Variants in TMEM117 observed in about 807,000 individuals in gnomAD.
The protein encoded by TMEM117 is transmembrane protein 117.
TMEM117 carries 27 observed loss-of-function variants against 52.4 expected under a neutral mutation model. The ratio of observed to expected loss-of-function variants is 0.51; its 90% CI spans 0.38 to 0.71. TMEM117 has a LOEUF of 0.71. Ranked by LOEUF, TMEM117 falls within the 30% of genes least tolerant of loss-of-function variation. The probability of loss-of-function intolerance (pLI) is 0.00; values close to 1 mark genes in which losing one functional copy is unlikely to be tolerated. For missense variants in TMEM117, 556 were observed against 630.5 expected, an observed-to-expected ratio of 0.88 and a Z score of 1.26; for synonymous variants, 215 against 206.3, an observed-to-expected ratio of 1.04 and a Z score of -0.36.
the TMEM117 span, chr12:43,797,127 T>G: frequency 6.4e-7 from 1 of 1,558,132 alleles, no homozygotes; most frequent in Non-Finnish European, 8.7e-7. Context: ...CAAATATAAT[T>G]AGCATATCAA....
chr12:43,970,217 T>G (rs1227308868), intron 3 of TMEM117, among the ~76,000 whole-genome samples: 1 of 152,178 alleles, frequency 6.6e-6, no homozygotes, highest in African/African-American at 2.4e-5. Context: ...TTTTACTTCA[T>G]AATGACCTCA....
intron 5 of TMEM117, among the ~76,000 whole-genome samples, chr12:44,220,200 G>T (rs546941509): frequency 6.6e-6 from 1 of 152,144 alleles, no homozygotes; most frequent in Non-Finnish European, 1.5e-5. Context: ...AGTTGGTAGA[G>T]TTATTTCTCA....
chr12:44,252,525 C>CA (rs1950208104), intron 5 of TMEM117, among the ~76,000 whole-genome samples: 1 of 151,918 alleles, frequency 6.6e-6, no homozygotes, highest in African/African-American at 2.4e-5. Flanking sequence ...AACAAACAAA[C>CA]AAAAAACAAA....
At chr12:44,232,816 T>G (rs1254109568) in intron 5 of TMEM117, among the ~76,000 whole-genome samples, 1 of 151,416 alleles carries the variant, frequency 6.6e-6, no homozygotes, top group Non-Finnish European at 1.5e-5. Flanking sequence ...ATTTGTGTCT[T>G]CTTTACTGTT....
At chr12:43,933,391 C>T (rs1195914531) in intron 2 of TMEM117, among the ~76,000 whole-genome samples, 5 of 151,516 alleles carry the variant, frequency 3.3e-5, no homozygotes, top group Admixed American at 2.0e-4. Context: ...TTAGTAGAGA[C>T]AGGGTTTCAC....
chr12:44,155,007 A>G (rs1177006948), intron 4 of TMEM117, among the ~76,000 whole-genome samples: 3 of 152,100 alleles, frequency 2.0e-5, no homozygotes, highest in African/African-American at 7.2e-5. Flanking sequence ...CAAATAAATG[A>G]GGAATAGTCC....
At chr12:43,860,812 A>G (rs562879584) in intron 2 of TMEM117, among the ~76,000 whole-genome samples, 3 of 152,366 alleles carry the variant, frequency 2.0e-5, no homozygotes, top group South Asian at 2.1e-4. Flanking sequence ...ACCAATAAAC[A>G]TATAAATCCG....
chr12:44,228,577 A>T (rs1949893254), intron 5 of TMEM117, among the ~76,000 whole-genome samples: 2 of 152,180 alleles, frequency 1.3e-5, no homozygotes, highest in African/African-American at 4.8e-5. Context: ...CAATGTGGTG[A>T]TCTGAAGAGA....
At chr12:44,094,236 G>A (rs67713366) in intron 3 of TMEM117, among the ~76,000 whole-genome samples, 40,805 of 152,076 alleles carry the variant, frequency 0.27, 9,885 homozygotes, top group African/African-American at 0.65. Flanking sequence ...ACAGAATATA[G>A]ATCATAGTAA....
At chr12:43,887,667 G>T (rs1944020904) in intron 2 of TMEM117, among the ~76,000 whole-genome samples, 1 of 152,108 alleles carries the variant, frequency 6.6e-6, no homozygotes, top group East Asian at 1.9e-4. Flanking sequence ...GCCAAGGCCT[G>T]GATGGAAAAA....
chr12:43,976,570 T>C (rs1347207859), intron 3 of TMEM117, among the ~76,000 whole-genome samples: 1 of 152,184 alleles, frequency 6.6e-6, no homozygotes, highest in African/African-American at 2.4e-5. Flanking sequence ...CAAATTTATC[T>C]AGATCGATTT....
At chr12:44,236,317 C>T (rs186551057) in intron 5 of TMEM117, among the ~76,000 whole-genome samples, 1 of 152,144 alleles carries the variant, frequency 6.6e-6, no homozygotes, top group Non-Finnish European at 1.5e-5. Flanking sequence ...GATTTCTCCC[C>T]TCTTAACATT....
At chr12:43,930,693 C>T (rs1944857592) in intron 2 of TMEM117, among the ~76,000 whole-genome samples, 2 of 152,212 alleles carry the variant, frequency 1.3e-5, no homozygotes, top group Non-Finnish European at 2.9e-5. Context: ...CAGTTTGAGG[C>T]ACTGTCTTAT....
At chr12:44,152,500 A>T (rs866686984) in intron 4 of TMEM117, among the ~76,000 whole-genome samples, 2 of 111,026 alleles carry the variant, frequency 1.8e-5, no homozygotes, top group African/African-American at 7.2e-5. Context: ...TATATATATA[A>T]TTATATCATA....
At chr12:44,204,225 A>G (rs1156280525) in intron 4 of TMEM117, among the ~76,000 whole-genome samples, 8 of 152,174 alleles carry the variant, frequency 5.3e-5, no homozygotes, top group African/African-American at 1.9e-4. Flanking sequence ...AAGTTTCAGG[A>G]TACAAAATCA....
intron 6 of TMEM117, among the ~76,000 whole-genome samples, chr12:44,374,146 T>C (rs557767561): frequency 3.3e-5 from 5 of 152,244 alleles, no homozygotes; most frequent in Non-Finnish European, 5.9e-5. Context: ...TTATCATTAT[T>C]ACTTTTCTGC....
chr12:44,085,961 G>A lies in TMEM117; in HGVS notation c.411-57564G>A, dbSNP rs1419628908. Among the ~76,000 whole-genome samples, 3 of 152,028 alleles carry A rather than the reference G, an allele frequency of 2.0e-5. No individual in the cohort carries two copies. The East Asian group carries it at 5.8e-4, about 29-fold the overall frequency. ...GAAGAGGATGAAGAGTATGAGAAAG[G>A]AGAGAGAGAGGGAAGGATACAGAGA... On this transcript the variant is annotated intron_variant, in intron 3 of 7. Transcript: ENST00000266534.
chr12:44,202,225 C>G (rs1210944430), intron 4 of TMEM117, among the ~76,000 whole-genome samples: 4 of 151,690 alleles, frequency 2.6e-5, no homozygotes, highest in Admixed American at 6.6e-5. Context: ...TAATACATGC[C>G]TAAATGAAGT....
intron 2 of TMEM117, among the ~76,000 whole-genome samples, chr12:43,941,296 A>G (rs534210643): frequency 6.6e-6 from 1 of 152,202 alleles, no homozygotes; most frequent in East Asian, 1.9e-4. Flanking sequence ...AAACTCCTCT[A>G]AAAGAAAGTC....
Sources: allele counts gnomAD v4.1 joint callset (sites outside exome capture counted in the v4.1 genomes callset), GRCh38; gene constraint gnomAD v4.1.1; transcripts MANE v1.5; gene names NCBI Gene and HGNC (gene_info 2026-07-23, HGNC 2026-07-21).